The following ICAM2 variants were observed in gnomAD, a reference collection of about 807,000 sequenced individuals.
ICAM2 encodes ICAM-2.
ICAM2 carries 14 observed loss-of-function variants against 19.1 expected under a neutral mutation model. The ratio of observed to expected loss-of-function variants is 0.73; its 90% confidence interval spans 0.48 to 1.15. The LOEUF is 1.15. ICAM2 is among the 50% of genes most tolerant of loss of function. ICAM2 has a pLI of 0.00. For missense variants in ICAM2, 311 were observed against 355.4 expected (o/e 0.88, Z 1.00); for synonymous variants, 153 against 152.7 (o/e 1.00, Z -0.01).
chr17:64,014,605 G>C (rs780828265), intron 1 of ICAM2, among the ~76,000 whole-genome samples: 1 of 70,404 alleles, frequency 1.4e-5, no homozygotes, highest in Non-Finnish European at 3.8e-5. Context: ...GAAAGAAAGG[G>C]AGGGAGGGAG....
intron 1 of ICAM2, among the ~76,000 whole-genome samples, chr17:64,018,018 A>G (rs1911780955): frequency 6.6e-6 from 1 of 152,342 alleles, no homozygotes; most frequent in East Asian, 1.9e-4. Flanking sequence ...ATTGTCAATC[A>G]TAAAATCAAC....
intron 1 of ICAM2, among the ~76,000 whole-genome samples, chr17:64,019,154 G>A (rs1041911001): frequency 2.6e-5 from 4 of 152,128 alleles, no homozygotes; most frequent in African/African-American, 9.7e-5. Flanking sequence ...AATAAAATAA[G>A]TAAATATTTT....
chr17:64,013,607 AG>A (rs1277682664), intron 1 of ICAM2, among the ~76,000 whole-genome samples: 2 of 152,214 alleles, frequency 1.3e-5, no homozygotes, highest in African/African-American at 2.4e-5. Flanking sequence ...TGAAAGTCAA[AG>A]GATGAAAAAG....
chr17:64,003,095 A>T lies in ICAM2; in HGVS notation c.650-170T>A, dbSNP rs191722881. On this transcript the variant is annotated intron_variant, in intron 4 of 4. Transcript: ENST00000579788. ...GAGTGGTGAATGGTGTCTGCATTAA[A>T]ATTATTATCTGGAAAAAAGGTGGCC... 5.5e-4 allele frequency: 329 copies of T among 596,628 alleles called. 1 individual carries two copies. Among genetic ancestry groups the T allele is most frequent in the African/African-American group, 5.5e-3 (297 of 53,954 alleles). The allele number at this position is 596,628 out of a possible 1,614,324, so 37.0% of individuals were successfully genotyped here. A position where few individuals can be genotyped will look rare whatever the true frequency, so the allele number is the denominator to read the frequency against.
rs13306432 is a variant in ICAM2, at chr17:64,003,787, T to A, written c.506A>T (p.Gln169Leu). 1.1e-3 allele frequency: 1,842 copies of A among 1,614,250 alleles called. 25 individuals carry two copies. The highest frequency in any genetic ancestry group is 5.3e-4 in the East Asian group (24 of 44,886). Residue 169 changes from glutamine to leucine, a missense_variant, in exon 4 of 5, where the codon CAG (glutamine) becomes CTG (leucine). Physicochemically the swap from Gln to Leu is moderately radical, Grantham distance 113. Coordinates refer to ENST00000579788, the MANE Select transcript of ICAM2 (RefSeq NM_001099789.2). ...GCTGTTGAATGTGGCTGTGGCCTCCTGCGGAGCAGGGGCTGCCTTCCCGAA... is the reference window on the plus strand; with the variant it reads ...GCTGTTGAATGTGGCTGTGGCCTCCAGCGGAGCAGGGGCTGCCTTCCCGAA... ...ETFGKAAPAP[Q>L]EATATFNSTA...
rs756369493 is a variant in ICAM2, at chr17:64,002,754, C to T, written c.821G>A (p.Arg274Gln). Residue 274 changes from arginine (R) to glutamine (Q), a missense_variant, in exon 5 of 5, where the codon CGG becomes CAG. By Grantham distance (43) the Arg-to-Gln change is conservative. Transcript: ENST00000579788. ...AAWRRLPQAFRP is the reference protein window; with the variant it reads ...AAWRRLPQAFQP ...CCATGCCACTCATGGTTGCTATGGC[C>T]GGAAGGCCTGGGGCAGCCTCCTCCA... 1.5e-5 allele frequency: 24 copies of T among 1,611,090 alleles called. No individual in the cohort carries two copies. The highest frequency in any genetic ancestry group is 8.9e-5 in the East Asian group (4 of 44,884).
chr17:64,015,874 A>T (rs1210630714), intron 1 of ICAM2, among the ~76,000 whole-genome samples: 3 of 151,884 alleles, frequency 2.0e-5, no homozygotes, highest in East Asian at 1.9e-4. Context: ...TATTATTATT[A>T]TTTTTTTTAG....
intron 1 of ICAM2, among the ~76,000 whole-genome samples, chr17:64,017,421 T>G (rs939741510): frequency 6.6e-6 from 1 of 152,114 alleles, no homozygotes; most frequent in African/African-American, 2.4e-5. Flanking sequence ...GTAAGAAAAT[T>G]ATAATACTTT....
chr17:64,018,866 C>A (rs932307367), intron 1 of ICAM2, among the ~76,000 whole-genome samples: 2 of 151,746 alleles, frequency 1.3e-5, no homozygotes, highest in Non-Finnish European at 2.9e-5. Flanking sequence ...AAACTACAGG[C>A]GTACGCCACC....
chr17:64,018,713 CTTTTTTTTT>C lies in ICAM2; in HGVS notation c.-45+1801_-45+1809del, dbSNP rs67934258. On this transcript the variant is annotated intron_variant, in intron 1 of 4. Transcript: ENST00000579788. ...CAGACATGTCTTTGTGTTTACTTCT[CTTTTTTTTT>C]TTTTTTTTTTTTTTTTTGAGACGGG... 3.8e-3 allele frequency among the ~76,000 whole-genome samples: 239 copies of C among 62,934 alleles called. 1 individual carries two copies. The highest frequency in any genetic ancestry group is 0.011 in the African/African-American group (177 of 16,346). The allele number at this position is 62,934 out of a possible 152,430, so 41.3% of individuals were successfully genotyped here. A position where few individuals can be genotyped will look rare whatever the true frequency, so the allele number is the denominator to read the frequency against.
intron 1 of ICAM2, among the ~76,000 whole-genome samples, chr17:64,009,118 G>A (rs1911339250): frequency 6.6e-6 from 1 of 152,200 alleles, no homozygotes; most frequent in Admixed American, 6.5e-5. Flanking sequence ...GAGGGCAGAA[G>A]CTGAATCTCA....
At chr17:64,007,559 G>A (rs1425737870) in intron 1 of ICAM2, among the ~76,000 whole-genome samples, 4 of 152,154 alleles carry the variant, frequency 2.6e-5, no homozygotes, top group Non-Finnish European at 5.9e-5. Context: ...ACCGCACCTG[G>A]CCCTCACTCA....
intron 1 of ICAM2, among the ~76,000 whole-genome samples, chr17:64,008,180 C>G (rs544960666): frequency 2.4e-4 from 37 of 152,300 alleles, no homozygotes; most frequent in African/African-American, 8.9e-4. Flanking sequence ...GACGGGGTTG[C>G]TGGACTTGGG....
chr17:64,013,488 G>A (rs557854859), intron 1 of ICAM2, among the ~76,000 whole-genome samples: 5 of 151,630 alleles, frequency 3.3e-5, no homozygotes, highest in Non-Finnish European at 7.4e-5. Flanking sequence ...GTGATAGGGT[G>A]AGTTCCTATC....
rs1450031749 is a variant in ICAM2, at chr17:64,010,468, C to G, written c.-44-3733G>C. On this transcript the variant is annotated intron_variant, in intron 1 of 4. Transcript: ENST00000579788. ...CTCAGTTTAGAAAGTGAACTCATCT[C>G]TCCCACAGAGCTTTGGAAGGATTAT... is the stretch of plus-strand genomic sequence containing the variant. 5.3e-5 allele frequency among the ~76,000 whole-genome samples: 8 copies of G among 151,706 alleles called. No homozygotes were observed. The East Asian group carries it at 1.5e-3, about 29-fold the overall frequency.
Sources: gnomAD v4.1 joint callset for allele counts (sites outside exome capture counted in the v4.1 genomes callset) on GRCh38, gnomAD v4.1.1 for gene constraint, MANE v1.5 for transcripts, NCBI Gene and HGNC (gene_info 2026-07-23, HGNC 2026-07-21) for gene names.